The following PTPRU variants were observed in gnomAD, a reference collection of about 807,000 sequenced individuals.
The protein encoded by PTPRU is receptor-type tyrosine-protein phosphatase U.
PTPRU carries 69 observed loss-of-function variants against 166.3 expected under a neutral mutation model. That is an observed-to-expected ratio of 0.41 (90% confidence interval 0.34 to 0.51). The LOEUF (loss-of-function observed/expected upper bound fraction) is 0.51, where lower values mean the gene tolerates loss of function less well. Among genes scored for constraint, PTPRU ranks in the 20% least tolerant of loss-of-function variants. The pLI is 0.09. For synonymous variants in PTPRU, 793 were observed against 814.0 expected (o/e 0.97, Z 0.44); for missense variants, 1,657 against 2,013.7 (o/e 0.82, Z 3.39).
At chr1:29,294,498 T>C (rs909981306) in intron 15 of PTPRU, among the ~76,000 whole-genome samples, 2 of 152,196 alleles carry the variant, frequency 1.3e-5, no homozygotes, top group African/African-American at 4.8e-5. Flanking sequence ...GAATTGCAAA[T>C]ATCTCCTCCC....
At chr1:29,259,120 C>T in intron 3 of PTPRU, 141 bp from the exon 4 acceptor site, 2 of 970,046 alleles carry the variant, frequency 2.1e-6, no homozygotes, top group Non-Finnish European at 3.0e-6. Context: ...AACTAGCTGG[C>T]TTGGGAGGGA....
At position 29,263,942 on chromosome 1, in the gene PTPRU, C is replaced by T. The variant is rs143205283; in HGVS notation, c.1144+3039C>T. ...CTGTAATCCCAGCACTTTGGGGGGC[C>T]GAGGAGGGCAGATCATTTGAGGCCA... On this transcript the variant is annotated intron_variant, in intron 7 of 29. Transcript: ENST00000373779. Among the ~76,000 whole-genome samples the T allele has an allele frequency of 3.9e-3, 599 of 152,042 alleles. 10 individuals are homozygous for T. Among genetic ancestry groups the T allele is most frequent in the Admixed American group, 0.031 (467 of 15,266 alleles).
At position 29,258,796 on chromosome 1, in the gene PTPRU, C is replaced by T. The variant is rs766217571; in HGVS notation, c.477+20C>T. On this transcript the variant is annotated intron_variant, in intron 3 of 29. Transcript: ENST00000373779. ...TATCAGGTGGGCTGGGTTCAGTCAG[C>T]GGTCAGCCTGTGCCTGGAGGTGGGG... The T allele has an allele frequency of 1.9e-5, 30 of 1,549,594 alleles. No homozygotes were observed. The highest frequency in any genetic ancestry group is 8.8e-5 in the South Asian group (7 of 79,990).
Position 29,236,841 on chromosome 1 carries a change from G to A in PTPRU, c.73+124G>A. ...GAGCGTGCTCCCTGTGTGTGTCTGA[G>A]CGTAGGATGGGCGATTGTGTGCCCG... On this transcript the variant is annotated intron_variant, in intron 1 of 29. Transcript: ENST00000373779. This position sits in a 1 kb window ranked among gnomAD's most constrained non-coding sequence, Gnocchi z 4.6. 8 of 946,420 alleles carry A rather than the reference G, an allele frequency of 8.5e-6. No homozygotes were observed. The highest frequency in any genetic ancestry group is 1.1e-5 in the Non-Finnish European group (8 of 720,480). The allele number at this position is 946,420 out of a possible 1,614,324, so 58.6% of individuals were successfully genotyped here.
chr1:29,315,236 C>A lies in PTPRU; in HGVS notation c.3228-136C>A. On this transcript the variant is annotated intron_variant, in intron 22 of 29. Transcript: ENST00000373779. This position sits in a 1 kb window ranked among gnomAD's most constrained non-coding sequence, Gnocchi z 4.5. ...GCAGCCTGCGTCCTGGCTCCTTACT[C>A]GGGGAGGGGCAGTCATCTCTGTGTC... 1 of 1,100,028 alleles carries A rather than the reference C, an allele frequency of 9.1e-7. No homozygotes were observed. Among genetic ancestry groups the A allele is most frequent in the Non-Finnish European group, 1.3e-6 (1 of 770,860 alleles). 68.1% of individuals were successfully genotyped at this position (1,100,028 alleles called of 1,614,324 possible). A position where few individuals can be genotyped will look rare whatever the true frequency, so the allele number is the denominator to read the frequency against.
chr1:29,311,714 A>C lies in PTPRU; in HGVS notation c.3027A>C (p.Thr1009=), dbSNP rs1459385429. The part of the protein sequence containing the change: ...YGDIKIMLVK[T]ETLAEYVVRT... ...ACATCAAGATTATGCTGGTGAAGAC[A>C]GAGACCCTGGCTGAGTATGTCGTGC... Residue 1009 remains threonine (T), a synonymous_variant, in exon 21 of 30, where the codon ACA becomes ACC. Transcript: ENST00000373779. The surrounding 1 kb of genome is among the most constrained non-coding windows in gnomAD (Gnocchi z 4.1). 1 of 1,614,230 alleles carries C rather than the reference A, an allele frequency of 6.2e-7. No individual in the cohort carries two copies. Among genetic ancestry groups the C allele is most frequent in the East Asian group, 2.2e-5 (1 of 44,882 alleles).
rs1022792755 is a variant in PTPRU at position 29,291,604 on chromosome 1, C to A, written c.2319-265C>A. The stretch of plus-strand genomic sequence containing the variant: ...GGCCAGTGAAACTTAGGAGTGAGAT[C>A]CCAGCCTGAAGCCACTGCTGCTCCA... On this transcript the variant is annotated intron_variant, in intron 14 of 29. Coordinates refer to ENST00000373779, the MANE Select transcript of PTPRU (RefSeq NM_133178.4). The surrounding 1 kb of genome is among the most constrained non-coding windows in gnomAD (Gnocchi z 4.1). Among the ~76,000 whole-genome samples the A allele has an allele frequency of 6.6e-6, 1 of 152,198 alleles. No homozygotes were observed. Among genetic ancestry groups the A allele is most frequent in the African/African-American group, 2.4e-5 (1 of 41,460 alleles).
intron 7 of PTPRU, among the ~76,000 whole-genome samples, chr1:29,273,084 G>T (rs549196460): frequency 6.6e-6 from 1 of 152,138 alleles, no homozygotes; most frequent in Admixed American, 6.5e-5. Context: ...ATACTTCATG[G>T]AATCAGAGTG....
At chr1:29,302,588 C>G (rs1013762938) in intron 15 of PTPRU, among the ~76,000 whole-genome samples, 1 of 152,006 alleles carries the variant, frequency 6.6e-6, no homozygotes, top group Non-Finnish European at 1.5e-5. Flanking sequence ...CTCGCACTGT[C>G]ACCTGGGCTG....
intron 14 of PTPRU, among the ~76,000 whole-genome samples, chr1:29,286,566 GA>G (rs2151955623): frequency 6.6e-6 from 1 of 152,236 alleles, no homozygotes; most frequent in South Asian, 2.1e-4. Context: ...GCAAGCCCCT[GA>G]CTTTCCCCCA....
intron 11 of PTPRU, 26 bp from the exon 12 acceptor site, chr1:29,282,650 C>T: frequency 1.2e-6 from 2 of 1,601,006 alleles, no homozygotes; most frequent in Non-Finnish European, 1.7e-6. Flanking sequence ...GCCTGTGATC[C>T]CCTGTACGCT....
intron 15 of PTPRU, among the ~76,000 whole-genome samples, chr1:29,296,548 G>A (rs1374298788): frequency 7.2e-6 from 1 of 138,602 alleles, no homozygotes; most frequent in Admixed American, 7.5e-5. Context: ...TCACCCTGTT[G>A]CCCAGGCTGG....
At position 29,305,346 on chromosome 1, in the gene PTPRU, T is replaced by C; in HGVS notation, c.2744-6T>C. 1 of 1,613,786 alleles carries C rather than the reference T, an allele frequency of 6.2e-7. No homozygotes were observed. Among genetic ancestry groups the C allele is most frequent in the Non-Finnish European group, 8.5e-7 (1 of 1,180,008 alleles). On this transcript the variant is annotated splice_polypyrimidine_tract_variant and splice_region_variant and intron_variant, in intron 17 of 29. Coordinates refer to ENST00000373779, the MANE Select transcript of PTPRU (RefSeq NM_133178.4). ...CAGCCCCTGCCCACCTGCTCTGTGT[T>C]TACAGATGATCGGCACCGAGTGAAA... is the stretch of plus-strand genomic sequence containing the variant.
chr1:29,320,699 T>C lies in PTPRU; in HGVS notation c.3702T>C (p.Ser1234=). 4.4e-6 allele frequency: 7 copies of C among 1,596,960 alleles called. No individual in the cohort carries two copies. The highest frequency in any genetic ancestry group is 1.1e-5 in the South Asian group (1 of 89,820). Residue 1234 remains serine (S), a synonymous_variant, in exon 26 of 30, where the codon AGT becomes AGC. Transcript: ENST00000373779. This position sits in a 1 kb window ranked among gnomAD's most constrained non-coding sequence, Gnocchi z 5.2. ...NAALTDSYTR[S]AAFIVTLHPL... ...TTTCCCTGCAGAGCTACACACGGAGTGCGGCCTTCATCGTGACCCTGCACC... is the reference window on the plus strand; with the variant it reads ...TTTCCCTGCAGAGCTACACACGGAGCGCGGCCTTCATCGTGACCCTGCACC...
intron 1 of PTPRU, among the ~76,000 whole-genome samples, chr1:29,246,955 C>T (rs146289433): frequency 8.5e-4 from 129 of 152,306 alleles, no homozygotes; most frequent in African/African-American, 3.0e-3. Context: ...TGTGCCACTT[C>T]CTACCCATGC....
In PTPRU at chr1:29,291,809, CCT is replaced by C; in HGVS notation, c.2319-57_2319-56del. 1 of 1,580,608 alleles carries C rather than the reference CCT, an allele frequency of 6.3e-7. No individual in the cohort carries two copies. The highest frequency in any genetic ancestry group is 1.8e-5 in the Admixed American group (1 of 56,410). On this transcript the variant is annotated intron_variant, in intron 14 of 29. Coordinates refer to ENST00000373779, the MANE Select transcript of PTPRU (RefSeq NM_133178.4). This position sits in a 1 kb window ranked among gnomAD's most constrained non-coding sequence, Gnocchi z 4.1. ...CCTTACTCCAGGGCCTCCCCAGCCA[CCT>C]CTGGGTGCTGTCCAGCCCCACACAA... is the stretch of plus-strand genomic sequence containing the variant.
At chr1:29,289,665 C>T (rs904077962) in intron 14 of PTPRU, 4 of 1,614,026 alleles carry the variant, frequency 2.5e-6, no homozygotes, top group East Asian at 2.2e-5. Context: ...GTGCTGTTCT[C>T]TCTTTGCACG....
chr1:29,245,252 A>G (rs923334596), intron 1 of PTPRU, among the ~76,000 whole-genome samples: 1 of 152,208 alleles, frequency 6.6e-6, no homozygotes, highest in Non-Finnish European at 1.5e-5. Context: ...TAGATGGCCT[A>G]TCCTGTGGGT....
At chr1:29,322,798 TTG>T (rs1480085284) in intron 26 of PTPRU, among the ~76,000 whole-genome samples, 1 of 151,828 alleles carries the variant, frequency 6.6e-6, no homozygotes, top group East Asian at 1.9e-4. Flanking sequence ...GTACGTGTGT[TTG>T]TGTGTGTTAG....
Sources: gnomAD v4.1 joint callset for allele counts (sites outside exome capture counted in the v4.1 genomes callset) on GRCh38, gnomAD v4.1.1 for gene constraint, Gnocchi (gnomAD v3.1) non-coding constraint, MANE v1.5 for transcripts, NCBI Gene and HGNC (gene_info 2026-07-23, HGNC 2026-07-21) for gene names.